FAM83B: variants seen among roughly 807,000 people sequenced by gnomAD.
FAM83B encodes scaffolding CK1 anchoring protein B, also known as protein FAM83B.
In FAM83B, 26 loss-of-function variants were observed where a neutral mutation model predicts 38.8. That is an observed-to-expected ratio of 0.67 (90% CI 0.49 to 0.93). The LOEUF is 0.93. Ranked by LOEUF, FAM83B falls within the 40% of genes least tolerant of loss-of-function variation. FAM83B has a pLI of 0.00. For missense variants in FAM83B, 1,237 were observed against 1,197.3 expected, an observed-to-expected ratio of 1.03 and a Z score of -0.49; for synonymous variants, 419 against 423.1, an observed-to-expected ratio of 0.99 and a Z score of 0.12.
intron 2 of FAM83B, among the ~76,000 whole-genome samples, chr6:54,889,551 A>G (rs1259615809): frequency 6.6e-6 from 1 of 152,132 alleles, no homozygotes; most frequent in Non-Finnish European, 1.5e-5. Context: ...ATTTGCATAT[A>G]ACCTACATAC....
At chr6:54,883,105 T>G (rs1314778765) in intron 2 of FAM83B, among the ~76,000 whole-genome samples, 1 of 151,540 alleles carries the variant, frequency 6.6e-6, no homozygotes, top group East Asian at 2.0e-4. Context: ...GCCCGGCTAA[T>G]TTTTTTGTTT....
chr6:54,861,642 T>G (rs1771586074), intron 1 of FAM83B, among the ~76,000 whole-genome samples: 1 of 152,176 alleles, frequency 6.6e-6, no homozygotes, highest in Non-Finnish European at 1.5e-5. Flanking sequence ...GTCATTTCAG[T>G]TTATAAAATG....
intron 2 of FAM83B, among the ~76,000 whole-genome samples, chr6:54,881,226 T>C (rs796849961): frequency 2.6e-5 from 4 of 152,310 alleles, no homozygotes; most frequent in African/African-American, 7.2e-5. Context: ...ACTCCTTCAT[T>C]ACTGCCACCT....
intron 1 of FAM83B, among the ~76,000 whole-genome samples, chr6:54,859,420 A>G (rs1355832652): frequency 6.6e-6 from 1 of 151,866 alleles, no homozygotes; most frequent in Non-Finnish European, 1.5e-5. Flanking sequence ...ACTTTAGTCA[A>G]CTCTCACTCT....
intron 2 of FAM83B, among the ~76,000 whole-genome samples, chr6:54,911,552 A>G (rs1394523816): frequency 6.6e-6 from 1 of 152,124 alleles, no homozygotes; most frequent in African/African-American, 2.4e-5. Flanking sequence ...CTCTCAGATG[A>G]CACAATACTT....
intron 1 of FAM83B, among the ~76,000 whole-genome samples, chr6:54,848,669 A>T (rs1771196992): frequency 6.6e-6 from 1 of 152,186 alleles, no homozygotes. Flanking sequence ...ACCATGACTC[A>T]CCTTGCAGCA....
intron 1 of FAM83B, among the ~76,000 whole-genome samples, chr6:54,852,072 C>T (rs906641924): frequency 2.6e-4 from 38 of 145,040 alleles, no homozygotes; most frequent in African/African-American, 6.1e-4. Context: ...TGAGCCACTG[C>T]GCCTGGCCTA....
At chr6:54,856,469 A>C (rs1286744815) in intron 1 of FAM83B, among the ~76,000 whole-genome samples, 2 of 152,352 alleles carry the variant, frequency 1.3e-5, no homozygotes, top group South Asian at 2.1e-4. Flanking sequence ...AATTGAGCAC[A>C]ATTGTAGAGA....
chr6:54,882,783 A>G (rs897392820), intron 2 of FAM83B, among the ~76,000 whole-genome samples: 1 of 151,982 alleles, frequency 6.6e-6, no homozygotes, highest in Non-Finnish European at 1.5e-5. Flanking sequence ...GCTTTTGTTC[A>G]TGATTATTTA....
Position 54,941,843 on chromosome 6 carries a change from A to G in FAM83B, c.2872A>G (p.Ile958Val), listed in dbSNP as rs1561934373. Residue 958 changes from isoleucine to valine, a missense_variant, in exon 5 of 5, where the codon ATA becomes GTA. Transcript: ENST00000306858. Reference sequence around the variant, plus strand: ...AACAAGCAACATGCCAAATACCAGTATAAATCGCCCAGAAATAAAATCTGC... The same window carrying G: ...AACAAGCAACATGCCAAATACCAGTGTAAATCGCCCAGAAATAAAATCTGC... Reference protein sequence around the residue: ...QPTSNMPNTSINRPEIKSATM... With the variant: ...QPTSNMPNTSVNRPEIKSATM... 8.7e-6 allele frequency: 14 copies of G among 1,614,032 alleles called. No individual in the cohort carries two copies. The highest frequency in any genetic ancestry group is 1.2e-5 in the Non-Finnish European group (14 of 1,180,034).
At chr6:54,868,556 A>G (rs1226406075) in intron 1 of FAM83B, among the ~76,000 whole-genome samples, 1 of 152,162 alleles carries the variant, frequency 6.6e-6, no homozygotes, top group Admixed American at 6.5e-5. Context: ...TAGCTTTTAT[A>G]CTAGCAGACA....
intron 2 of FAM83B, among the ~76,000 whole-genome samples, chr6:54,910,214 A>G (rs1483199016): frequency 6.6e-6 from 1 of 152,170 alleles, no homozygotes; most frequent in Non-Finnish European, 1.5e-5. Context: ...ATTCTATCCA[A>G]CAATCAATAT....
At chr6:54,896,845 ACAACTGT>A (rs1464061229) in intron 2 of FAM83B, among the ~76,000 whole-genome samples, 1 of 152,238 alleles carries the variant, frequency 6.6e-6, no homozygotes, top group Non-Finnish European at 1.5e-5. Context: ...TCACATTTCT[ACAACTGT>A]CAGGAAAACT....
At chr6:54,862,273 T>C (rs1408247105) in intron 1 of FAM83B, among the ~76,000 whole-genome samples, 1 of 152,184 alleles carries the variant, frequency 6.6e-6, no homozygotes, top group Non-Finnish European at 1.5e-5. Flanking sequence ...TCTATTCAGA[T>C]TATATGACCA....
Position 54,941,008 on chromosome 6 carries a change from T to C in FAM83B, c.2037T>C (p.Asn679=), listed in dbSNP as rs1245563692. The C allele has an allele frequency of 3.7e-6, 6 of 1,613,826 alleles. No individual in the cohort carries two copies. Among genetic ancestry groups the C allele is most frequent in the Non-Finnish European group, 5.1e-6 (6 of 1,179,978 alleles). The change falls in exon 5 of 5, where the codon AAT becomes AAC. Residue 679 remains asparagine (N), a synonymous_variant. Transcript: ENST00000306858. ...CAAAAGCCAACTTAGATCCTGGAAA[T>C]AGTAAGCATTATGTATATAGTACAC... is the stretch of plus-strand genomic sequence containing the variant. ...DNSKANLDPG[N]SKHYVYSTLT...
At chr6:54,877,855 C>T (rs758850467) in intron 2 of FAM83B, among the ~76,000 whole-genome samples, 3 of 152,120 alleles carry the variant, frequency 2.0e-5, no homozygotes, top group African/African-American at 4.8e-5. Flanking sequence ...TATTCCTAAT[C>T]GGAGGTGTTT....
At chr6:54,906,221 G>A (rs4712082) in intron 2 of FAM83B, among the ~76,000 whole-genome samples, 63,024 of 151,796 alleles carry the variant, frequency 0.42, 14,072 homozygotes, top group East Asian at 0.88. Context: ...ATATAAACTA[G>A]GTCATTTATA....
At position 54,940,542 on chromosome 6, in the gene FAM83B, A is replaced by G. The variant is rs1220017228; in HGVS notation, c.1571A>G (p.Asp524Gly). The G allele has an allele frequency of 6.2e-7, 1 of 1,614,086 alleles. No individual in the cohort carries two copies. The highest frequency in any genetic ancestry group is 1.1e-5 in the South Asian group (1 of 91,076). The change falls in exon 5 of 5, where the codon GAT becomes GGT. Residue 524 changes from aspartate to glycine, a missense_variant. Asp to Gly is a moderately conservative substitution (Grantham distance 94). Transcript: ENST00000306858. ...SALGDRFEGY[D>G]NPENLKANAL... ...TTAGGTGACCGATTTGAGGGCTATG[A>G]TAATCCTGAGAATTTGAAGGCCAAT...
chr6:54,873,694 T>G (rs1771920027), intron 2 of FAM83B, among the ~76,000 whole-genome samples: 1 of 151,608 alleles, frequency 6.6e-6, no homozygotes, highest in African/African-American at 2.4e-5. Flanking sequence ...GATAAAGTTT[T>G]TTTTTTTTTT....
Sources: allele counts gnomAD v4.1 joint callset (sites outside exome capture counted in the v4.1 genomes callset), GRCh38; gene constraint gnomAD v4.1.1; transcripts MANE v1.5; gene names NCBI Gene and HGNC (gene_info 2026-07-23, HGNC 2026-07-21).